Variants in IL1RAPL1 observed in about 807,000 individuals in gnomAD.
IL1RAPL1 encodes interleukin-1 receptor accessory protein-like 1.
In IL1RAPL1, 3 loss-of-function variants were observed where a neutral mutation model predicts 48.4. The ratio of observed to expected loss-of-function variants is 0.06; its 90% CI spans 0.03 to 0.16. The LOEUF is 0.16. Among genes scored for constraint, IL1RAPL1 ranks in the 10% least tolerant of loss-of-function variants. The pLI is 1.00. For missense variants in IL1RAPL1, 349 were observed against 530.6 expected, an observed-to-expected ratio of 0.66 and a Z score of 3.36; for synonymous variants, 185 against 187.7, an observed-to-expected ratio of 0.99 and a Z score of 0.12.
intron 2 of IL1RAPL1, among the ~76,000 whole-genome samples, chrX:28,975,518 T>A (rs887830692): frequency 1.3e-4 from 14 of 111,974 alleles, no homozygotes; most frequent in Non-Finnish European, 7.5e-5. Context: ...TCTTTGGGAA[T>A]TTGCTGAAGG....
chrX:29,779,066 T>G (rs1324445825), intron 6 of IL1RAPL1, among the ~76,000 whole-genome samples: 1 of 111,818 alleles, frequency 8.9e-6, no homozygotes, highest in Non-Finnish European at 1.9e-5. Context: ...GGACCACACT[T>G]TGAGTACCTC....
intron 2 of IL1RAPL1, among the ~76,000 whole-genome samples, chrX:28,837,682 CTTTTTTTTTTT>C (rs58666924): frequency 3.2e-4 from 12 of 37,220 alleles, no homozygotes; most frequent in African/African-American, 1.3e-3. Flanking sequence ...CATTCCACTT[CTTTTTTTTTTT>C]TTTTTTTTTT....
chrX:28,816,384 C>T (rs966073682), intron 2 of IL1RAPL1, among the ~76,000 whole-genome samples: 1 of 110,271 alleles, frequency 9.1e-6, no homozygotes, highest in African/African-American at 3.3e-5. Flanking sequence ...GTTTTTAACA[C>T]TTGCCCTCCT....
intron 2 of IL1RAPL1, among the ~76,000 whole-genome samples, chrX:28,977,965 A>G (rs1300007870): frequency 2.7e-5 from 3 of 112,353 alleles, no homozygotes; most frequent in African/African-American, 9.7e-5. Context: ...CTCTGTCTCA[A>G]AAAAGAGGTA....
At chrX:28,787,135 A>T (rs1299067784) in intron 1 of IL1RAPL1, among the ~76,000 whole-genome samples, 2 of 112,444 alleles carry the variant, frequency 1.8e-5, no homozygotes, top group Non-Finnish European at 3.7e-5. Flanking sequence ...ATTAATTTTA[A>T]GAAATAGAAT....
chrX:28,677,538 A>T (rs751274510), intron 1 of IL1RAPL1, among the ~76,000 whole-genome samples: 1 of 111,305 alleles, frequency 9.0e-6, no homozygotes, highest in African/African-American at 3.3e-5. Flanking sequence ...AGATGTGTAT[A>T]CTTTCTATGA....
At chrX:29,164,386 T>C (rs1332405104) in intron 2 of IL1RAPL1, among the ~76,000 whole-genome samples, 1 of 111,932 alleles carries the variant, frequency 8.9e-6, no homozygotes, top group Non-Finnish European at 1.9e-5. Flanking sequence ...AGCACAGATA[T>C]GAACACAAAA....
At chrX:29,612,606 A>G (rs1198496364) in intron 5 of IL1RAPL1, among the ~76,000 whole-genome samples, 1 of 111,436 alleles carries the variant, frequency 9.0e-6, no homozygotes, top group Admixed American at 9.6e-5. Context: ...CCTAGACTTT[A>G]TCACTCCTCC....
In IL1RAPL1 at chrX:29,443,816, G is replaced by A. The variant is rs781537118; in HGVS notation, c.703+44508G>A. ...CATGGCTGAGCTTCTCTTTTTATGT[G>A]TTCTCTTATCCTCAAGGAGCTTAGT... On this transcript the variant is annotated intron_variant, in intron 5 of 10. Transcript: ENST00000378993. Among the ~76,000 whole-genome samples the A allele has an allele frequency of 6.3e-5, 7 of 111,419 alleles. No homozygotes were observed. The South Asian group carries it at 2.7e-3, about 42-fold the overall frequency.
intron 5 of IL1RAPL1, among the ~76,000 whole-genome samples, chrX:29,535,483 GGCTACTGAAGCTGTACCCACT>G (rs761151258): frequency 1.9e-4 from 21 of 111,431 alleles, no homozygotes; most frequent in African/African-American, 6.5e-4. Context: ...ACCATCCTAG[GGCTACTGAAGCTGTACCCACT>G]CCTCCAGGTG....
At chrX:28,888,086 G>A (rs780311970) in intron 2 of IL1RAPL1, among the ~76,000 whole-genome samples, 6 of 110,118 alleles carry the variant, frequency 5.4e-5, no homozygotes, top group Non-Finnish European at 1.1e-4. Flanking sequence ...TAATATATTA[G>A]GTAGGAAACC....
At chrX:29,175,714 C>T (rs1456574592) in intron 2 of IL1RAPL1, among the ~76,000 whole-genome samples, 1 of 107,178 alleles carries the variant, frequency 9.3e-6, no homozygotes. Flanking sequence ...AGTGTGGTGG[C>T]ACTCACCTGT....
At chrX:29,926,563 C>T (rs955936839) in intron 8 of IL1RAPL1, among the ~76,000 whole-genome samples, 1 of 111,933 alleles carries the variant, frequency 8.9e-6, no homozygotes, top group Non-Finnish European at 1.9e-5. Flanking sequence ...AGTACCAAAC[C>T]CACTTAGTAA....
At chrX:29,317,167 G>C (rs1436903483) in intron 3 of IL1RAPL1, among the ~76,000 whole-genome samples, 1 of 111,759 alleles carries the variant, frequency 8.9e-6, no homozygotes, top group Non-Finnish European at 1.9e-5. Flanking sequence ...TTGGGCCCTT[G>C]TGTCACAATT....
intron 5 of IL1RAPL1, among the ~76,000 whole-genome samples, chrX:29,555,247 C>T (rs1443864601): frequency 1.8e-5 from 2 of 112,394 alleles, no homozygotes; most frequent in Non-Finnish European, 1.9e-5. Flanking sequence ...AACATAGTAC[C>T]ATTCTAAATT....
chrX:28,732,743 C>A (rs957342380), intron 1 of IL1RAPL1, among the ~76,000 whole-genome samples: 1 of 110,988 alleles, frequency 9.0e-6, no homozygotes, highest in Non-Finnish European at 1.9e-5. Flanking sequence ...GTGGCACATG[C>A]CTGTAGTCCC....
chrX:29,639,112 G>A (rs915722472), intron 5 of IL1RAPL1, among the ~76,000 whole-genome samples: 2 of 108,834 alleles, frequency 1.8e-5, no homozygotes, highest in East Asian at 5.8e-4. Flanking sequence ...CGTGAACCCA[G>A]GAGGCGGAGC....
chrX:29,383,385 G>A (rs954507364), intron 3 of IL1RAPL1, among the ~76,000 whole-genome samples: 1 of 111,516 alleles, frequency 9.0e-6, no homozygotes, highest in African/African-American at 3.3e-5. Context: ...TGTCACATTC[G>A]GATAAAGATT....
At chrX:29,603,620 T>C (rs1242464320) in intron 5 of IL1RAPL1, among the ~76,000 whole-genome samples, 1 of 112,023 alleles carries the variant, frequency 8.9e-6, no homozygotes, top group East Asian at 2.8e-4. Flanking sequence ...AATACATTTG[T>C]AGAGAAGTTT....
Sources: gnomAD v4.1 joint callset for allele counts (sites outside exome capture counted in the v4.1 genomes callset) on GRCh38, gnomAD v4.1.1 for gene constraint, MANE v1.5 for transcripts, NCBI Gene and HGNC (gene_info 2026-07-23, HGNC 2026-07-21) for gene names.